EXOC7: variants seen among roughly 807,000 people sequenced by gnomAD.
The protein encoded by EXOC7 is exocyst complex component 7, also known as exocyst complex component Exo70.
In EXOC7, 51 loss-of-function variants were observed where a neutral mutation model predicts 87.6. That is an observed-to-expected ratio of 0.58 (90% confidence interval 0.46 to 0.73). The LOEUF is 0.73. Among genes scored for constraint, EXOC7 ranks in the 30% least tolerant of loss-of-function variants. The pLI is 0.00. For synonymous variants in EXOC7, 327 were observed against 357.1 expected (o/e 0.92, Z 0.95); for missense variants, 744 against 888.4 (o/e 0.84, Z 2.07).
intron 11 of EXOC7, 147 bp from the exon 12 acceptor site, chr17:76,087,867 C>A (rs2290246): frequency 0.37 from 354,967 of 969,776 alleles, 70,850 homozygotes; most frequent in South Asian, 0.57. Context: ...TTCACTCTAG[C>A]CTGCCAGGAA....
intron 7 of EXOC7, chr17:76,090,802 T>G (rs2067443854): frequency 2.0e-6 from 1 of 510,082 alleles, no homozygotes; most frequent in Non-Finnish European, 3.5e-6. Flanking sequence ...CCGGGAGGCC[T>G]CGGCCAGCTG....
chr17:76,094,215 C>T (rs2067635665), intron 6 of EXOC7, 199 bp downstream of exon 6: 1 of 547,208 alleles, frequency 1.8e-6, no homozygotes, highest in East Asian at 3.1e-5. Flanking sequence ...GCTCTGCTAG[C>T]TGGAAGGAAG....
chr17:76,084,044 C>A lies in EXOC7; in HGVS notation c.1914G>T (p.Lys638Asn). The change falls in exon 18 of 19, where the codon AAG becomes AAT. Residue 638 changes from lysine (K) to asparagine (N), a missense_variant. By Grantham distance (94) the Lys-to-Asn change is moderately conservative. This residue lies in a region of EXOC7 where 228 missense variants were observed against 298.6 expected (regional missense o/e 0.76). Coordinates refer to ENST00000589210, the MANE Select transcript of EXOC7 (RefSeq NM_001013839.4). ...EQRDRIRQAQ[K>N]TIVKETYGAF... ...CCCCGTAGGTCTCCTTGACAATGGT[C>A]TTCTGGGCCTGGCGAATCCTGTCCC... 1 of 1,607,838 alleles carries A rather than the reference C, an allele frequency of 6.2e-7. No homozygotes were observed. Among genetic ancestry groups the A allele is most frequent in the Non-Finnish European group, 8.5e-7 (1 of 1,177,736 alleles).
intron 12 of EXOC7, chr17:76,087,224 G>A: frequency 2.6e-6 from 1 of 386,912 alleles, no homozygotes; most frequent in Non-Finnish European, 4.8e-6. Context: ...CCAACCCCCT[G>A]AGCTCCAGTC....
At chr17:76,101,158 A>C (rs746988751) in intron 4 of EXOC7, 113 bp downstream of exon 4, 2 of 1,579,112 alleles carry the variant, frequency 1.3e-6, no homozygotes. Flanking sequence ...ACTGTGCTAT[A>C]TCCTTCTGTG....
chr17:76,089,445 C>T, intron 7 of EXOC7, 125 bp from the exon 8 acceptor site: 1 of 1,265,124 alleles, frequency 7.9e-7, no homozygotes, highest in Non-Finnish European at 1.1e-6. Flanking sequence ...AAGAGGCTGA[C>T]TGTTCTGGCA....
At chr17:76,098,604 G>A (rs1222022903) in intron 4 of EXOC7, among the ~76,000 whole-genome samples, 1 of 151,224 alleles carries the variant, frequency 6.6e-6, no homozygotes, top group African/African-American at 2.4e-5. Context: ...GCTCACGCCT[G>A]TAATCCCAGC....
rs374635335 is a variant in EXOC7 at position 76,086,065 on chromosome 17, C to T, written c.1495+15G>A. 17 of 1,613,010 alleles carry T rather than the reference C, an allele frequency of 1.1e-5. No homozygotes were observed. The highest frequency in any genetic ancestry group is 1.6e-4 in the Middle Eastern group (1 of 6,082). On this transcript the variant is annotated intron_variant, in intron 13 of 18. Transcript: ENST00000589210. Reference sequence around the variant, plus strand: ...CAGGCAGCAGGGCTGCTGGTCTGCCCGGGAGAACACTCACAGATATAGGTG... The same window carrying T: ...CAGGCAGCAGGGCTGCTGGTCTGCCTGGGAGAACACTCACAGATATAGGTG...
In EXOC7 at chr17:76,083,701, C is replaced by A. The variant is rs754676259; in HGVS notation, c.2002G>T (p.Gly668Trp). 2 of 1,613,792 alleles carry A rather than the reference C, an allele frequency of 1.2e-6. No homozygotes were observed. Among genetic ancestry groups the A allele is most frequent in the Non-Finnish European group, 1.7e-6 (2 of 1,180,024 alleles). ...ATCATGTCGCCCACCTGCTCCACCCCGTACTTGATGTACTTCTCCGGGTTC... is the reference window on the plus strand; with the variant it reads ...ATCATGTCGCCCACCTGCTCCACCCAGTACTTGATGTACTTCTCCGGGTTC... ...TKNPEKYIKY[G>W]VEQVGDMIDR... Residue 668 changes from glycine (G) to tryptophan (W), a missense_variant, in exon 19 of 19, where the codon GGG (glycine) becomes TGG (tryptophan). Gly to Trp is a radical substitution (Grantham distance 184). Around this residue, in one of 3 missense-constraint regions of EXOC7, gnomAD observed 228 missense variants for 298.6 expected, o/e 0.76. Coordinates refer to ENST00000589210, the MANE Select transcript of EXOC7 (RefSeq NM_001013839.4).
Position 76,091,230 on chromosome 17 carries a change from T to C in EXOC7, c.814A>G (p.Ile272Val). The C allele has an allele frequency of 6.2e-7, 1 of 1,614,052 alleles. No individual in the cohort carries two copies. The highest frequency in any genetic ancestry group is 8.5e-7 in the Non-Finnish European group (1 of 1,179,978). ...TTCAGAAGGTTCTGAGCCTTACGGA[T>C]CGTCCCTGTCACCAGAGCCACACAG... ...TKKPVKRPGT[I>V]RKAQNLLKQY... The change falls in exon 7 of 19, where the codon ATC (isoleucine) becomes GTC (valine). Residue 272 changes from isoleucine to valine, a missense_variant. Ile to Val is a conservative substitution (Grantham distance 29, BLOSUM62 3). Around this residue, in one of 3 missense-constraint regions of EXOC7, gnomAD observed 512 missense variants for 573.0 expected, o/e 0.89. Transcript: ENST00000589210.
rs374911805 is a variant in EXOC7 at position 76,094,595 on chromosome 17, G to A, written c.641-14C>T. The A allele has an allele frequency of 3.5e-5, 57 of 1,606,234 alleles. 2 individuals are homozygous for A. In the South Asian group the frequency reaches 6.3e-4, roughly 18 times the overall value. ...CGTTCATGAAATCTGAGGAGACACA[G>A]AGGGATAGAGGTACGGCTGCCAGGC... On this transcript the variant is annotated splice_polypyrimidine_tract_variant and intron_variant, in intron 5 of 18. Transcript: ENST00000589210.
At chr17:76,101,234 T>C in intron 4 of EXOC7, 37 bp downstream of exon 4, 1 of 1,614,054 alleles carries the variant, frequency 6.2e-7, no homozygotes, top group Non-Finnish European at 8.5e-7. Context: ...GAGACTGATA[T>C]CCCCAAGCTT....
intron 6 of EXOC7, chr17:76,092,351 G>C (rs2067533433): frequency 6.7e-6 from 1 of 148,166 alleles, no homozygotes; most frequent in Non-Finnish European, 1.5e-5. Flanking sequence ...CTGGAGTACG[G>C]TGGCACGACC....
chr17:76,103,136 G>A, intron 2 of EXOC7: 1 of 569,550 alleles, frequency 1.8e-6, no homozygotes, highest in Non-Finnish European at 3.1e-6. Context: ...ACAGAAAGCA[G>A]CAAGTCCAGG....
At chr17:76,103,551 C>G (rs1366321328) in intron 1 of EXOC7, 82 bp downstream of exon 1, 1 of 1,589,524 alleles carries the variant, frequency 6.3e-7, no homozygotes, top group African/African-American at 1.3e-5. Context: ...CCACCCCTGC[C>G]TCCTCCATGA....
chr17:76,083,733 A>C lies in EXOC7; in HGVS notation c.1970T>G (p.Phe657Cys). ...AFLQKFGSVP[F>C]TKNPEKYIKY... ...GATGTACTTCTCCGGGTTCTTGGTG[A>C]AGGGCACGCTGCCAAACCTGAGGAG... is the stretch of plus-strand genomic sequence containing the variant. The change falls in exon 19 of 19, where the codon TTC becomes TGC. Residue 657 changes from phenylalanine (F) to cysteine (C), a missense_variant. Physicochemically the swap from Phe to Cys is radical, Grantham distance 205. Around this residue, in one of 3 missense-constraint regions of EXOC7, gnomAD observed 228 missense variants for 298.6 expected, o/e 0.76. Transcript: ENST00000589210. The C allele has an allele frequency of 6.2e-7, 1 of 1,613,184 alleles. No homozygotes were observed. The highest frequency in any genetic ancestry group is 8.5e-7 in the Non-Finnish European group (1 of 1,179,970).
At chr17:76,084,170 A>C in intron 17 of EXOC7, 31 bp from the exon 18 acceptor site, 1 of 1,594,732 alleles carries the variant, frequency 6.3e-7, no homozygotes, top group Non-Finnish European at 8.5e-7. Context: ...AAAGGAAGGC[A>C]CCCAGAGACA....
At chr17:76,084,345 C>T (rs762928552) in intron 16 of EXOC7, 56 bp from the exon 17 acceptor site, 21 of 1,610,690 alleles carry the variant, frequency 1.3e-5, no homozygotes, top group Middle Eastern at 1.7e-4. Context: ...AGCAGCCTTC[C>T]CCCACTCTTC....
rs1186061021 is a variant in EXOC7 at position 76,081,696 on chromosome 17, T to C, written c.*1952A>G. The C allele has an allele frequency of 1.2e-6, 2 of 1,614,084 alleles. No individual in the cohort carries two copies. Among genetic ancestry groups the C allele is most frequent in the Non-Finnish European group, 1.7e-6 (2 of 1,180,028 alleles). On this transcript the variant is annotated 3_prime_UTR_variant, in exon 19 of 19. Transcript: ENST00000589210. ...GTGACATTGCTGCTGAGTTACCTCGTCCTCCACTCCTCCCTGGTGCAGGCC... is the reference window on the plus strand; with the variant it reads ...GTGACATTGCTGCTGAGTTACCTCGCCCTCCACTCCTCCCTGGTGCAGGCC...
Sources: allele counts gnomAD v4.1 joint callset (sites outside exome capture counted in the v4.1 genomes callset), GRCh38; gene constraint gnomAD v4.1.1; regional missense constraint gnomAD v4.1.1; transcripts MANE v1.5; gene names NCBI Gene and HGNC (gene_info 2026-07-23, HGNC 2026-07-21).